The following KCNH8 variants were observed in gnomAD, a reference collection of about 807,000 sequenced individuals.
The protein encoded by KCNH8 is potassium voltage-gated channel subfamily H member 8.
In KCNH8, 70 loss-of-function variants were observed where a neutral mutation model predicts 103.6. The ratio of observed to expected loss-of-function variants is 0.68; its 90% CI spans 0.56 to 0.82. The LOEUF (loss-of-function observed/expected upper bound fraction) is 0.82. Among genes scored for constraint, KCNH8 ranks in the 40% least tolerant of loss-of-function variants. The pLI is 0.00. For missense variants in KCNH8, 1,217 were observed against 1,329.9 expected, an observed-to-expected ratio of 0.92 and a Z score of 1.32; for synonymous variants, 498 against 489.4, an observed-to-expected ratio of 1.02 and a Z score of -0.23.
intron 11 of KCNH8, among the ~76,000 whole-genome samples, chr3:19,472,162 G>C (rs927707379): frequency 2.0e-5 from 3 of 150,994 alleles, no homozygotes; most frequent in African/African-American, 7.3e-5. Context: ...GTATGTGCTT[G>C]ATGAAAGCTT....
chr3:19,159,582 G>T (rs1280713900), intron 1 of KCNH8, among the ~76,000 whole-genome samples: 1 of 152,008 alleles, frequency 6.6e-6, no homozygotes, highest in African/African-American at 2.4e-5. Context: ...CAGATCTCCA[G>T]TTCTTATAGT....
intron 15 of KCNH8, among the ~76,000 whole-genome samples, chr3:19,529,545 C>T (rs934927290): frequency 6.6e-6 from 1 of 152,160 alleles, no homozygotes. Flanking sequence ...GGAAACACTG[C>T]ATTCTTTGCC....
At chr3:19,384,996 G>A (rs2066337352) in intron 5 of KCNH8, among the ~76,000 whole-genome samples, 1 of 152,010 alleles carries the variant, frequency 6.6e-6, no homozygotes, top group Non-Finnish European at 1.5e-5. Flanking sequence ...AAACTAGAGA[G>A]TATCATCGGG....
rs894612887 is a variant in KCNH8, at chr3:19,534,766, T to TAA, written c.*675_*676dup. ...AATGAATGTTTTCTTTTCATTTTGG[T>TAA]AAAAAAAAAGCTTGCTGTTTTAACA... On this transcript the variant is annotated 3_prime_UTR_variant, in exon 16 of 16. Transcript: ENST00000328405. The TAA allele has an allele frequency of 6.6e-6, 1 of 151,528 alleles. No homozygotes were observed. Among genetic ancestry groups the TAA allele is most frequent in the African/African-American group, 2.4e-5 (1 of 41,166 alleles). 9.4% of individuals were successfully genotyped at this position (151,528 alleles called of 1,614,324 possible). A position where few individuals can be genotyped will look rare whatever the true frequency, so the allele number is the denominator to read the frequency against.
At position 19,451,415 on chromosome 3, in the gene KCNH8, A is replaced by T; in HGVS notation, c.1825+11A>T. ...TGCTGGCTATTCTTGGTAGGTCTGA[A>T]TTGAAAAACTTGTATGAAATTTGAC... On this transcript the variant is annotated intron_variant, in intron 10 of 15. Transcript: ENST00000328405. 6.2e-7 allele frequency: 1 copy of T among 1,609,896 alleles called. No homozygotes were observed. The highest frequency in any genetic ancestry group is 8.5e-7 in the Non-Finnish European group (1 of 1,177,414).
chr3:19,161,710 T>C, intron 1 of KCNH8, among the ~76,000 whole-genome samples: 1 of 152,228 alleles, frequency 6.6e-6, no homozygotes, highest in East Asian at 1.9e-4. Flanking sequence ...AAAGCAATTG[T>C]AAATTTTTGT....
chr3:19,213,212 G>A (rs2063787263), intron 1 of KCNH8, among the ~76,000 whole-genome samples: 1 of 152,090 alleles, frequency 6.6e-6, no homozygotes, highest in Non-Finnish European at 1.5e-5. Flanking sequence ...AAATTAAAGA[G>A]GATATTTCCT....
At chr3:19,357,716 C>T (rs2125326953) in intron 5 of KCNH8, among the ~76,000 whole-genome samples, 1 of 151,924 alleles carries the variant, frequency 6.6e-6, no homozygotes, top group Admixed American at 6.6e-5. Flanking sequence ...TCTCTAAGAA[C>T]TCTTCAGAAA....
chr3:19,477,539 G>C (rs2068002963), intron 11 of KCNH8, among the ~76,000 whole-genome samples: 1 of 151,804 alleles, frequency 6.6e-6, no homozygotes, highest in African/African-American at 2.4e-5. Flanking sequence ...TTTCTCTCTG[G>C]AGAAATGAGA....
chr3:19,425,882 G>A (rs1045854873), intron 7 of KCNH8, among the ~76,000 whole-genome samples: 1 of 152,156 alleles, frequency 6.6e-6, no homozygotes, highest in East Asian at 1.9e-4. Context: ...GAAGAGGTTG[G>A]AGCTGAGGTG....
At chr3:19,385,147 GTGCTGC>G in intron 5 of KCNH8, among the ~76,000 whole-genome samples, 1 of 152,116 alleles carries the variant, frequency 6.6e-6, no homozygotes, top group Non-Finnish European at 1.5e-5. Flanking sequence ...AATGTATTCT[GTGCTGC>G]TGCTGAGAAC....
chr3:19,232,045 G>T (rs1301710238), intron 1 of KCNH8, among the ~76,000 whole-genome samples: 1 of 152,136 alleles, frequency 6.6e-6, no homozygotes, highest in Non-Finnish European at 1.5e-5. Flanking sequence ...TTTGAATTAT[G>T]CATTTGAAAT....
Position 19,373,603 on chromosome 3 carries a change from T to C in KCNH8, c.812-16878T>C, listed in dbSNP as rs1055465646. Among the ~76,000 whole-genome samples, 13 of 152,278 alleles carry C rather than the reference T, an allele frequency of 8.5e-5. 1 individual carries two copies. The highest frequency in any genetic ancestry group is 4.6e-4 in the Admixed American group (7 of 15,296). ...TTTTGAAGGGTTTTTTGTGTCTCTA[T>C]TTCCTTCAGTTCTGCTCTGATCTTA... On this transcript the variant is annotated intron_variant, in intron 5 of 15. Transcript: ENST00000328405.
intron 1 of KCNH8, among the ~76,000 whole-genome samples, chr3:19,184,444 G>A (rs543761871): frequency 2.2e-4 from 34 of 151,928 alleles, no homozygotes; most frequent in African/African-American, 7.7e-4. Flanking sequence ...ATGGAATTTT[G>A]ATACATAAGC....
chr3:19,170,707 CATAT>C (rs1484900939), intron 1 of KCNH8, among the ~76,000 whole-genome samples: 1 of 135,770 alleles, frequency 7.4e-6, no homozygotes. Flanking sequence ...TATATATACA[CATAT>C]ATACACACAC....
chr3:19,209,686 A>G (rs954878342), intron 1 of KCNH8, among the ~76,000 whole-genome samples: 1 of 151,954 alleles, frequency 6.6e-6, no homozygotes, highest in Admixed American at 6.6e-5. Context: ...TAGATTCTGA[A>G]CAAAAATCAG....
intron 1 of KCNH8, among the ~76,000 whole-genome samples, chr3:19,200,913 A>G (rs984219349): frequency 6.6e-6 from 1 of 152,048 alleles, no homozygotes; most frequent in African/African-American, 2.4e-5. Flanking sequence ...AAAAAATTAT[A>G]TATAAGCCGT....
At chr3:19,286,549 TAC>T (rs1328574227) in intron 3 of KCNH8, among the ~76,000 whole-genome samples, 13 of 152,314 alleles carry the variant, frequency 8.5e-5, no homozygotes, top group Admixed American at 5.2e-4. Flanking sequence ...CAGTCTGAGG[TAC>T]AGTCTCCCTT....
intron 11 of KCNH8, among the ~76,000 whole-genome samples, chr3:19,492,627 G>T (rs956130823): frequency 6.6e-5 from 10 of 151,846 alleles, no homozygotes; most frequent in African/African-American, 2.4e-4. Context: ...CTTCATTTTT[G>T]TTGTTGTTGT....
Sources: gnomAD v4.1 joint callset for allele counts (sites outside exome capture counted in the v4.1 genomes callset) on GRCh38, gnomAD v4.1.1 for gene constraint, MANE v1.5 for transcripts, NCBI Gene and HGNC (gene_info 2026-07-23, HGNC 2026-07-21) for gene names.